Variants in ASIC4 observed in about 807,000 individuals in gnomAD.
The protein encoded by ASIC4 is acid sensing ion channel subunit family member 4, also known as acid-sensing ion channel 4.
A neutral mutation model predicts 53.4 loss-of-function variants in ASIC4; 28 were observed. The observed-to-expected ratio is 0.52, with a 90% CI of 0.39 to 0.72. ASIC4 has a LOEUF of 0.72. ASIC4 is among the 30% of genes least tolerant of loss of function. The probability of loss-of-function intolerance (pLI) is 0.00; values close to 1 mark genes in which losing one functional copy is unlikely to be tolerated. For synonymous variants in ASIC4, 289 were observed against 301.4 expected (o/e 0.96, Z 0.43); for missense variants, 649 against 729.7 (o/e 0.89, Z 1.27).
At chr2:219,532,693 T>A in intron 4 of ASIC4, 190 bp from the exon 5 acceptor site, 2 of 811,592 alleles carry the variant, frequency 2.5e-6, no homozygotes, top group Non-Finnish European at 3.8e-6. Context: ...CATGTTAATA[T>A]GTATTTGTGT....
rs749524367 is a variant in ASIC4, at chr2:219,535,268, CAG to C, written c.1174_1175del (p.Arg392GlyfsTer29). 1.9e-6 allele frequency: 3 copies of C among 1,613,952 alleles called. No homozygotes were observed. The highest frequency in any genetic ancestry group is 2.5e-6 in the Non-Finnish European group (3 of 1,179,962). ...KEISMVRIPN[R>X]GSARYLARKY... ...AGATCTCCATGGTCAGGATCCCCAA[CAG>C]GGGCTCAGCCCGGTACCTGGCGAGG... On this transcript the variant is annotated frameshift_variant, in exon 6 of 10. Transcript: ENST00000358078. LOFTEE classifies it high-confidence loss of function.
chr2:219,532,866 A>G lies in ASIC4; in HGVS notation c.1019-17A>G. ...GAAGTGATCGTAGATTCCAGGAATA[A>G]TCTTCTCTCCTTTCAGGCAATGAGA... On this transcript the variant is annotated splice_polypyrimidine_tract_variant and intron_variant, in intron 4 of 9. Transcript: ENST00000358078. 2 of 1,609,186 alleles carry G rather than the reference A, an allele frequency of 1.2e-6. No individual in the cohort carries two copies. The highest frequency in any genetic ancestry group is 3.3e-5 in the Admixed American group (2 of 59,868).
intron 5 of ASIC4, among the ~76,000 whole-genome samples, chr2:219,534,424 C>T (rs904205861): frequency 1.1e-4 from 17 of 152,222 alleles, no homozygotes; most frequent in Non-Finnish European, 1.9e-4. Context: ...TGTGGCTGTC[C>T]GAGAGGGCTG....
At chr2:219,525,063 G>A (rs1694942354) in intron 1 of ASIC4, among the ~76,000 whole-genome samples, 1 of 152,226 alleles carries the variant, frequency 6.6e-6, no homozygotes, top group African/African-American at 2.4e-5. Context: ...ATCTGAGGTT[G>A]TTTGTCCAAA....
At chr2:219,522,902 G>T (rs1694910562) in intron 1 of ASIC4, among the ~76,000 whole-genome samples, 1 of 152,128 alleles carries the variant, frequency 6.6e-6, no homozygotes, top group South Asian at 2.1e-4. Context: ...GAGGGAGGGC[G>T]CTCGGGAGCC....
chr2:219,523,464 C>T (rs1694919068), intron 1 of ASIC4, among the ~76,000 whole-genome samples: 1 of 152,166 alleles, frequency 6.6e-6, no homozygotes, highest in African/African-American at 2.4e-5. Flanking sequence ...TCAGCCATTG[C>T]CTCCTAGATC....
Position 219,538,164 on chromosome 2 carries a change from G to A in ASIC4, c.*118G>A, listed in dbSNP as rs1450615980. On this transcript the variant is annotated 3_prime_UTR_variant, in exon 10 of 10. Coordinates refer to ENST00000358078, the MANE Select transcript of ASIC4 (RefSeq NM_018674.6). Reference sequence around the variant, plus strand: ...TGCTCACTGGGAGGGCCAGGACTCAGTTCCTGCTCTCATCCTCCCCTGCCC... The same window carrying A: ...TGCTCACTGGGAGGGCCAGGACTCAATTCCTGCTCTCATCCTCCCCTGCCC... 3.5e-6 allele frequency: 3 copies of A among 847,044 alleles called. No homozygotes were observed. Among genetic ancestry groups the A allele is most frequent in the African/African-American group, 1.7e-5 (1 of 59,554 alleles). The allele number at this position is 847,044 out of a possible 1,614,324, so 52.5% of individuals were successfully genotyped here. A position where few individuals can be genotyped will look rare whatever the true frequency, so the allele number is the denominator to read the frequency against.
At chr2:219,508,482 TGAGGTCTTTGTAACATGCCCCCCA>T in the ASIC4 span, among the ~76,000 whole-genome samples, 2 of 151,914 alleles carry the variant, frequency 1.3e-5, no homozygotes, top group Non-Finnish European at 2.9e-5. Context: ...CTAGCAAAGC[TGAGGTCTTTGTAACATGCCCCCCA>T]GAGGTCTTTG....
At chr2:219,519,792 A>G (rs1694857560) in intron 1 of ASIC4, among the ~76,000 whole-genome samples, 1 of 151,882 alleles carries the variant, frequency 6.6e-6, no homozygotes, top group South Asian at 2.1e-4. Flanking sequence ...CTGGGACCAC[A>G]GGATATAAAG....
chr2:219,512,668 G>C (rs1253634833), upstream of ASIC4, among the ~76,000 whole-genome samples: 3 of 152,186 alleles, frequency 2.0e-5, no homozygotes, highest in African/African-American at 7.2e-5. Context: ...TAACTCAGCG[G>C]CTTTGTCCAA....
rs150408290 is a variant in ASIC4 at position 219,531,509 on chromosome 2, G to C, written c.583-249G>C. On this transcript the variant is annotated intron_variant, in intron 1 of 9. Coordinates refer to ENST00000358078, the MANE Select transcript of ASIC4 (RefSeq NM_018674.6). ...GTTTACTAGGGTGGAGGAAAACGGT[G>C]GGGGGAAGGCAGGGTTTGGGAAGGT... Among the ~76,000 whole-genome samples the C allele has an allele frequency of 3.7e-3, 566 of 152,322 alleles. 1 individual carries two copies. The highest frequency in any genetic ancestry group is 0.013 in the African/African-American group (536 of 41,574).
In ASIC4 at chr2:219,538,220, C is replaced by T; in HGVS notation, c.*174C>T. On this transcript the variant is annotated 3_prime_UTR_variant, in exon 10 of 10. Transcript: ENST00000358078. Reference sequence around the variant, plus strand: ...TCAGCTGCTTTGCACAAAGGTCCTTCTTGTCCACACCCCTTATCCCCAGGC... The same window carrying T: ...TCAGCTGCTTTGCACAAAGGTCCTTTTTGTCCACACCCCTTATCCCCAGGC... 1.6e-6 allele frequency: 1 copy of T among 632,060 alleles called. No individual in the cohort carries two copies. The highest frequency in any genetic ancestry group is 2.8e-6 in the Non-Finnish European group (1 of 356,512). The allele number at this position is 632,060 out of a possible 1,614,324, so 39.2% of individuals were successfully genotyped here. A position where few individuals can be genotyped will look rare whatever the true frequency, so the allele number is the denominator to read the frequency against.
the ASIC4 span, among the ~76,000 whole-genome samples, chr2:219,508,843 C>T: frequency 4.7e-5 from 7 of 149,258 alleles, no homozygotes; most frequent in South Asian, 4.2e-4. Flanking sequence ...GGGAGGGGTG[C>T]GCTCCTGCCA....
chr2:219,520,308 C>T (rs1041022698), intron 1 of ASIC4, among the ~76,000 whole-genome samples: 2 of 152,214 alleles, frequency 1.3e-5, no homozygotes, highest in African/African-American at 4.8e-5. Context: ...TCTCTCCTCT[C>T]CCTGCCCCAC....
chr2:219,532,849 C>A, intron 4 of ASIC4, 34 bp from the exon 5 acceptor site: 1 of 1,594,840 alleles, frequency 6.3e-7, no homozygotes, highest in Non-Finnish European at 8.6e-7. Flanking sequence ...GGGAAGTGAT[C>A]GTAGATTCCA....
chr2:219,529,392 G>C (rs955043825), intron 1 of ASIC4, among the ~76,000 whole-genome samples: 1 of 152,104 alleles, frequency 6.6e-6, no homozygotes, highest in African/African-American at 2.4e-5. Context: ...AGAGGACTTG[G>C]GGGACAGGAA....
At position 219,535,211 on chromosome 2, in the gene ASIC4, C is replaced by T. The variant is rs1695110430; in HGVS notation, c.1116C>T (p.Pro372=). ...GGGPEGPCFC[P]TPCNLTRYGK... ...GCCCTGAGGGCCCGTGCTTCTGCCC[C>T]ACCCCCTGCAACCTGACACGCTATG... The change falls in exon 6 of 10, where the codon CCC becomes CCT. Residue 372 remains proline, a synonymous_variant. Coordinates refer to ENST00000358078, the MANE Select transcript of ASIC4 (RefSeq NM_018674.6). 1.2e-6 allele frequency: 2 copies of T among 1,613,918 alleles called. No individual in the cohort carries two copies. The highest frequency in any genetic ancestry group is 2.7e-5 in the African/African-American group (2 of 74,930).
intron 1 of ASIC4, among the ~76,000 whole-genome samples, chr2:219,530,530 A>G (rs531712565): frequency 1.3e-4 from 20 of 152,368 alleles, no homozygotes; most frequent in African/African-American, 4.8e-4. Flanking sequence ...AATGGACAGG[A>G]GACAAGTAGA....
chr2:219,531,308 G>A (rs2125666537), intron 1 of ASIC4, among the ~76,000 whole-genome samples: 1 of 152,296 alleles, frequency 6.6e-6, no homozygotes, highest in Non-Finnish European at 1.5e-5. Flanking sequence ...TGAGGCTGCT[G>A]TGAGCCGAGA....
Sources: gnomAD v4.1 joint callset for allele counts (sites outside exome capture counted in the v4.1 genomes callset) on GRCh38, gnomAD v4.1.1 for gene constraint, MANE v1.5 for transcripts, NCBI Gene and HGNC (gene_info 2026-07-23, HGNC 2026-07-21) for gene names.